Variants in LRP5 observed in about 807,000 individuals in gnomAD.
LRP5 encodes the protein low-density lipoprotein receptor-related protein 5.
LRP5 carries 62 observed loss-of-function variants against 154.1 expected under a neutral mutation model. That is an observed-to-expected ratio of 0.40 (90% CI 0.33 to 0.50). The LOEUF is 0.50. Among genes scored for constraint, LRP5 ranks in the 20% least tolerant of loss-of-function variants. The pLI, the probability that LRP5 is intolerant of heterozygous loss-of-function variation, is 0.55. For missense variants in LRP5, 1,915 were observed against 2,336.7 expected (o/e 0.82, Z 3.72); for synonymous variants, 966 against 1,011.5 (o/e 0.96, Z 0.85).
the LRP5 span, among the ~76,000 whole-genome samples, chr11:68,305,565 C>T: frequency 6.6e-6 from 1 of 152,138 alleles, no homozygotes; most frequent in Admixed American, 6.5e-5. Flanking sequence ...GCCTCAGCCT[C>T]CTGAGTAGCT....
intron 3 of LRP5, among the ~76,000 whole-genome samples, chr11:68,359,999 G>T (rs2098626410): frequency 6.6e-6 from 1 of 152,044 alleles, no homozygotes; most frequent in Non-Finnish European, 1.5e-5. Context: ...ATGTTGGCCA[G>T]GCTGGTCTTG....
At chr11:68,439,639 G>C in intron 20 of LRP5, 138 bp from the exon 21 acceptor site, 1 of 903,822 alleles carries the variant, frequency 1.1e-6, no homozygotes, top group Non-Finnish European at 1.7e-6. Context: ...CTCAGGGAGC[G>C]GGGCACATTT....
chr11:68,326,819 G>C (rs1233361253), intron 1 of LRP5, among the ~76,000 whole-genome samples: 1 of 152,260 alleles, frequency 6.6e-6, no homozygotes, highest in Non-Finnish European at 1.5e-5. Context: ...CAGAGTCCTT[G>C]CGGCATATGG....
chr11:68,347,529 C>T (rs943045330), intron 1 of LRP5, among the ~76,000 whole-genome samples: 2 of 152,154 alleles, frequency 1.3e-5, no homozygotes, highest in Admixed American at 1.3e-4. Flanking sequence ...CTCTGGAGGA[C>T]GATGTGGGAG....
At chr11:68,338,099 G>C (rs2098606727) in intron 1 of LRP5, among the ~76,000 whole-genome samples, 1 of 152,152 alleles carries the variant, frequency 6.6e-6, no homozygotes, top group African/African-American at 2.4e-5. Flanking sequence ...GATGTCTTCT[G>C]TTTCTCTGTC....
chr11:68,315,329 A>G (rs1330149791), intron 1 of LRP5, among the ~76,000 whole-genome samples: 1 of 152,192 alleles, frequency 6.6e-6, no homozygotes, highest in African/African-American at 2.4e-5. Context: ...TGTTATTACA[A>G]TAGTCTGGAT....
intron 7 of LRP5, among the ~76,000 whole-genome samples, chr11:68,392,684 A>G (rs1297205402): frequency 1.3e-5 from 2 of 152,004 alleles, no homozygotes; most frequent in African/African-American, 4.8e-5. Context: ...AGCCTCTGTC[A>G]ACCACTAATC....
chr11:68,398,505 G>C (rs1170278915), intron 7 of LRP5, among the ~76,000 whole-genome samples: 1 of 152,140 alleles, frequency 6.6e-6, no homozygotes, highest in Non-Finnish European at 1.5e-5. Flanking sequence ...ACAGCCTCTC[G>C]GGTCTAGTTT....
chr11:68,333,187 G>A (rs2098603902), intron 1 of LRP5, among the ~76,000 whole-genome samples: 1 of 152,192 alleles, frequency 6.6e-6, no homozygotes, highest in Admixed American at 6.5e-5. Flanking sequence ...CTGCGTGCAG[G>A]TAATTGAAAC....
chr11:68,374,150 C>A (rs2098636005), intron 5 of LRP5, among the ~76,000 whole-genome samples: 2 of 152,146 alleles, frequency 1.3e-5, no homozygotes, highest in Non-Finnish European at 2.9e-5. Flanking sequence ...GCGGGAGGAA[C>A]AGAGGGGGCC....
At chr11:68,403,340 C>A (rs2098653704) in intron 7 of LRP5, 143 bp from the exon 8 acceptor site, 2 of 700,744 alleles carry the variant, frequency 2.9e-6, no homozygotes, top group South Asian at 3.1e-5. Context: ...TTTTATGGTA[C>A]CTGGCAAGGT....
intron 7 of LRP5, among the ~76,000 whole-genome samples, chr11:68,398,717 A>G (rs917805990): frequency 3.3e-5 from 5 of 151,560 alleles, no homozygotes; most frequent in African/African-American, 9.7e-5. Context: ...AAAAAATTAT[A>G]TGGAATTCAA....
chr11:68,307,062 A>G, the LRP5 span, among the ~76,000 whole-genome samples: 1 of 152,158 alleles, frequency 6.6e-6, no homozygotes, highest in African/African-American at 2.4e-5. Flanking sequence ...CATGCCTGTA[A>G]TCCCAGCTAC....
chr11:68,333,530 G>A (rs944172086), intron 1 of LRP5, among the ~76,000 whole-genome samples: 2 of 152,204 alleles, frequency 1.3e-5, no homozygotes, highest in African/African-American at 4.8e-5. Flanking sequence ...CCCCTTGAAG[G>A]GGAGATAGGA....
intron 7 of LRP5, among the ~76,000 whole-genome samples, chr11:68,395,001 A>G (rs1239639024): frequency 1.3e-5 from 2 of 150,928 alleles, no homozygotes; most frequent in Admixed American, 6.6e-5. Context: ...ATTGGAACAC[A>G]TTGAGAGCAA....
intron 2 of LRP5, among the ~76,000 whole-genome samples, chr11:68,356,939 C>CTTTTT (rs1206842769): frequency 9.2e-5 from 13 of 142,020 alleles, no homozygotes; most frequent in Non-Finnish European, 9.2e-5. Context: ...CTTTTCTTTT[C>CTTTTT]TTTTTTTTTT....
intron 1 of LRP5, among the ~76,000 whole-genome samples, chr11:68,328,734 A>G (rs1351410603): frequency 1.3e-5 from 2 of 152,198 alleles, no homozygotes; most frequent in Non-Finnish European, 2.9e-5. Flanking sequence ...AAATGCTTCC[A>G]TCTGCGTGGC....
At chr11:68,359,802 T>G (rs989386737) in intron 3 of LRP5, among the ~76,000 whole-genome samples, 2 of 151,604 alleles carry the variant, frequency 1.3e-5, no homozygotes, top group African/African-American at 2.4e-5. Flanking sequence ...TTTTTTTTTT[T>G]TTGGGATGGA....
intron 1 of LRP5, among the ~76,000 whole-genome samples, chr11:68,323,199 C>T (rs1431870848): frequency 6.6e-6 from 1 of 152,194 alleles, no homozygotes; most frequent in Non-Finnish European, 1.5e-5. Flanking sequence ...ACCTCTGCCT[C>T]CTGGGTTCAA....
Sources: allele counts gnomAD v4.1 joint callset (sites outside exome capture counted in the v4.1 genomes callset), GRCh38; gene constraint gnomAD v4.1.1; transcripts MANE v1.5; gene names NCBI Gene and HGNC (gene_info 2026-07-23, HGNC 2026-07-21).